RBFOX1: variants seen among roughly 807,000 people sequenced by gnomAD.
RBFOX1 encodes the protein RNA binding fox-1 homolog 1.
RBFOX1 carries 8 observed loss-of-function variants against 57.7 expected under a neutral mutation model. The observed-to-expected ratio is 0.14, with a 90% CI of 0.08 to 0.25. The LOEUF is 0.25. RBFOX1 is among the 10% of genes least tolerant of loss of function. The pLI is 1.00. For missense variants in RBFOX1, 611 were observed against 548.5 expected (o/e 1.11, Z -1.14); for synonymous variants, 326 against 222.4 (o/e 1.47, Z -4.15).
At chr16:6,824,669 A>T (rs2091866956) in intron 3 of RBFOX1, among the ~76,000 whole-genome samples, 1 of 152,092 alleles carries the variant, frequency 6.6e-6, no homozygotes, top group Admixed American at 6.6e-5. Flanking sequence ...TGGATTCATC[A>T]CTCACTACCT....
chr16:5,972,498 A>G (rs920521800), intron 4 of RBFOX1, among the ~76,000 whole-genome samples: 1 of 152,114 alleles, frequency 6.6e-6, no homozygotes, highest in Non-Finnish European at 1.5e-5. Context: ...TTAAAATGAG[A>G]ATGTTTCTGG....
intron 4 of RBFOX1, among the ~76,000 whole-genome samples, chr16:7,108,813 T>G (rs1484144782): frequency 6.6e-6 from 1 of 152,226 alleles, no homozygotes; most frequent in Non-Finnish European, 1.5e-5. Context: ...TTGTTTGTTG[T>G]ACCTAAATCC....
chr16:7,624,058 T>C (rs1354250925), intron 10 of RBFOX1, among the ~76,000 whole-genome samples: 1 of 152,222 alleles, frequency 6.6e-6, no homozygotes, highest in African/African-American at 2.4e-5. Flanking sequence ...TTGTTTTTCA[T>C]CTAAAATTTA....
chr16:6,243,884 G>A (rs889871559), intron 1 of RBFOX1, among the ~76,000 whole-genome samples: 15 of 152,098 alleles, frequency 9.9e-5, no homozygotes, highest in Admixed American at 3.3e-4. Flanking sequence ...AAGAGAGGAC[G>A]TGTCCAGAGG....
chr16:6,945,470 ATT>A (rs56295393), intron 3 of RBFOX1, among the ~76,000 whole-genome samples: 42 of 148,476 alleles, frequency 2.8e-4, no homozygotes, highest in African/African-American at 9.6e-4. Context: ...GGATATTTTG[ATT>A]TTTTTTTTTG....
At chr16:6,917,062 G>C (rs12596596) in intron 3 of RBFOX1, among the ~76,000 whole-genome samples, 1 of 152,136 alleles carries the variant, frequency 6.6e-6, no homozygotes. Context: ...TGTTGGACAG[G>C]CTAGTCCTGA....
chr16:7,586,889 T>A (rs1372276772), intron 6 of RBFOX1, among the ~76,000 whole-genome samples: 1 of 152,212 alleles, frequency 6.6e-6, no homozygotes, highest in African/African-American at 2.4e-5. Context: ...ATCAAGGGTG[T>A]TTCTCCCAGT....
chr16:6,792,074 C>A (rs1001425588), intron 3 of RBFOX1, among the ~76,000 whole-genome samples: 1 of 152,068 alleles, frequency 6.6e-6, no homozygotes, highest in Non-Finnish European at 1.5e-5. Flanking sequence ...ACATATATTA[C>A]TGATAATACC....
intron 3 of RBFOX1, among the ~76,000 whole-genome samples, chr16:6,796,211 G>C (rs1441637538): frequency 6.6e-6 from 1 of 152,094 alleles, no homozygotes; most frequent in African/African-American, 2.4e-5. Flanking sequence ...CATCATATCT[G>C]AAGAGACTTA....
chr16:6,807,118 G>T (rs1207902601), intron 3 of RBFOX1, among the ~76,000 whole-genome samples: 1 of 151,840 alleles, frequency 6.6e-6, no homozygotes, highest in Non-Finnish European at 1.5e-5. Context: ...ACAGGTGTAA[G>T]CCACCGTGCC....
At chr16:5,881,044 G>A (rs113531071) in intron 4 of RBFOX1, among the ~76,000 whole-genome samples, 35 of 152,304 alleles carry the variant, frequency 2.3e-4, no homozygotes, top group African/African-American at 8.4e-4. Context: ...CTGCAATGTT[G>A]TGTCTTATAT....
At chr16:6,957,619 A>G (rs760995637) in intron 3 of RBFOX1, among the ~76,000 whole-genome samples, 1 of 152,024 alleles carries the variant, frequency 6.6e-6, no homozygotes, top group African/African-American at 2.4e-5. Context: ...TTTATCAGCA[A>G]GGTCTTTATG....
intron 1 of RBFOX1, among the ~76,000 whole-genome samples, chr16:5,314,041 TAATG>T (rs1308863836): frequency 6.6e-6 from 1 of 152,178 alleles, no homozygotes; most frequent in African/African-American, 2.4e-5. Context: ...TAAATAATAA[TAATG>T]ATCGCATAAT....
intron 4 of RBFOX1, among the ~76,000 whole-genome samples, chr16:7,157,124 A>C (rs561813508): frequency 6.6e-6 from 1 of 152,160 alleles, no homozygotes; most frequent in Non-Finnish European, 1.5e-5. Flanking sequence ...GGAGAAAGCA[A>C]TCGTATTCTC....
Position 5,588,403 on chromosome 16 carries a change from G to GCCGA in RBFOX1, c.259-10498_259-10495dup, listed in dbSNP as rs149542379. ...AATGACTGAGAATTGTGGCACAGAG[G>GCCGA]CCGAGTCCCCTTCCTGGTTCTGCCA... On this transcript the variant is annotated intron_variant, in intron 2 of 2. Coordinates refer to the RBFOX1 transcript ENST00000585867. Among the ~76,000 whole-genome samples, 1,003 of 152,304 alleles carry GCCGA rather than the reference G, an allele frequency of 6.6e-3. 10 individuals carry two copies. The highest frequency in any genetic ancestry group is 0.023 in the African/African-American group (937 of 41,552).
intron 4 of RBFOX1, among the ~76,000 whole-genome samples, chr16:7,389,222 G>A (rs4786148): frequency 0.4 from 60,109 of 151,988 alleles, 13,175 homozygotes; most frequent in East Asian, 0.59. Context: ...ATCTCTCCAG[G>A]CTTAGATGAT....
chr16:5,382,352 C>T (rs1266594898), intron 1 of RBFOX1, among the ~76,000 whole-genome samples: 2 of 151,524 alleles, frequency 1.3e-5, no homozygotes, highest in African/African-American at 4.8e-5. Flanking sequence ...TGTATTACCA[C>T]TTGTTTGCAT....
chr16:5,509,152 A>G (rs1194386441), intron 2 of RBFOX1, among the ~76,000 whole-genome samples: 5 of 152,226 alleles, frequency 3.3e-5, no homozygotes, highest in Non-Finnish European at 7.3e-5. Context: ...ACTTCCCGAC[A>G]TGCGATCCCC....
chr16:5,675,011 T>C (rs1476157899), intron 3 of RBFOX1, among the ~76,000 whole-genome samples: 1 of 152,052 alleles, frequency 6.6e-6, no homozygotes, highest in Admixed American at 6.6e-5. Context: ...TAGCCAGCCA[T>C]GGTGGTGTAT....
Sources: gnomAD v4.1 joint callset for allele counts (sites outside exome capture counted in the v4.1 genomes callset) on GRCh38, gnomAD v4.1.1 for gene constraint, MANE v1.5 for transcripts, NCBI Gene and HGNC (gene_info 2026-07-23, HGNC 2026-07-21) for gene names.